Variants in ADAMTS13 observed in about 807,000 individuals in gnomAD.
ADAMTS13 encodes the protein ADAM metallopeptidase with thrombospondin type 1 motif 13.
A neutral mutation model predicts 155.1 loss-of-function variants in ADAMTS13; 110 were observed. That is an observed-to-expected ratio of 0.71 (90% CI 0.61 to 0.83). The LOEUF (loss-of-function observed/expected upper bound fraction) is 0.83. Among genes scored for constraint, ADAMTS13 ranks in the 40% least tolerant of loss-of-function variants. The probability of loss-of-function intolerance (pLI) is 0.00; values close to 1 mark genes in which losing one functional copy is unlikely to be tolerated. For missense variants in ADAMTS13, 1,707 were observed against 1,891.7 expected, an observed-to-expected ratio of 0.90 and a Z score of 1.81; for synonymous variants, 758 against 756.4, an observed-to-expected ratio of 1.00 and a Z score of -0.03.
intron 1 of ADAMTS13, chr9:133,415,701 T>C (rs1554781426): frequency 6.6e-6 from 1 of 152,248 alleles, no homozygotes; most frequent in Non-Finnish European, 1.5e-5. Flanking sequence ...GCTGACTTTC[T>C]TGGATGAATT....
chr9:133,456,008 G>A lies in ADAMTS13; in HGVS notation c.3401-61G>A, dbSNP rs587676054. ...TCTCCTTCCTCAGCTTGGAAGCCCC[G>A]GAGCCTGCCCTGCTGGGAATCGGGG... On this transcript the variant is annotated intron_variant, in intron 25 of 28. Coordinates refer to ENST00000355699, the MANE Select transcript of ADAMTS13 (RefSeq NM_139027.6). The surrounding 1 kb of genome is among the most constrained non-coding windows in gnomAD (Gnocchi z 4.4). 1,068 of 1,609,978 alleles carry A rather than the reference G, an allele frequency of 6.6e-4. 1 individual carries two copies. The highest frequency in any genetic ancestry group is 1.7e-3 in the Admixed American group (104 of 60,018).
At chr9:133,448,243 G>A (rs1842202444) in intron 21 of ADAMTS13, among the ~76,000 whole-genome samples, 1 of 152,118 alleles carries the variant, frequency 6.6e-6, no homozygotes, top group South Asian at 2.1e-4. Flanking sequence ...CGCCCAAAGT[G>A]CTGTGATTAC....
At chr9:133,439,080 A>AT (rs1367357231) in intron 14 of ADAMTS13, among the ~76,000 whole-genome samples, 2 of 152,152 alleles carry the variant, frequency 1.3e-5, no homozygotes, top group African/African-American at 4.8e-5. Flanking sequence ...CCATTTGCAA[A>AT]TGCCAGTGCT....
At position 133,456,469 on chromosome 9, in the gene ADAMTS13, A is replaced by G; in HGVS notation, c.3548-74A>G. 1 of 1,562,034 alleles carries G rather than the reference A, an allele frequency of 6.4e-7. No individual in the cohort carries two copies. The highest frequency in any genetic ancestry group is 8.7e-7 in the Non-Finnish European group (1 of 1,147,362). On this transcript the variant is annotated intron_variant, in intron 26 of 28. Coordinates refer to ENST00000355699, the MANE Select transcript of ADAMTS13 (RefSeq NM_139027.6). The surrounding 1 kb of genome is among the most constrained non-coding windows in gnomAD (Gnocchi z 4.4). ...GAGAGGTGGGACTTGAACTCGGCTCAGTCTACCCTGGAGCCACTCCTCTGC... is the reference window on the plus strand; with the variant it reads ...GAGAGGTGGGACTTGAACTCGGCTCGGTCTACCCTGGAGCCACTCCTCTGC...
At chr9:133,438,637 G>A (rs993863626) in intron 14 of ADAMTS13, among the ~76,000 whole-genome samples, 16 of 152,146 alleles carry the variant, frequency 1.1e-4, no homozygotes, top group Admixed American at 4.6e-4. Context: ...GACATTGGCC[G>A]GGCGCTGTGC....
Position 133,437,828 on chromosome 9 carries a change from G to C in ADAMTS13, c.1515G>C (p.Gly505=), listed in dbSNP as rs1554789558. Residue 505 remains glycine, a synonymous_variant, in exon 13 of 29, where the codon GGG becomes GGC. Coordinates refer to ENST00000355699, the MANE Select transcript of ADAMTS13 (RefSeq NM_139027.6). The part of the protein sequence containing the change: ...IMKRGDSFLD[G]TRCMPSGPRE... ...AGCGTGGAGACAGCTTCCTCGATGG[G>C]ACCCGGTGTATGCCAAGTGGCCCCC... is the stretch of plus-strand genomic sequence containing the variant. 6.2e-7 allele frequency: 1 copy of C among 1,613,892 alleles called. No individual in the cohort carries two copies. Among genetic ancestry groups the C allele is most frequent in the African/African-American group, 1.3e-5 (1 of 74,942 alleles).
At chr9:133,451,256 A>G (rs587691422) in intron 23 of ADAMTS13, among the ~76,000 whole-genome samples, 1 of 152,200 alleles carries the variant, frequency 6.6e-6, no homozygotes, top group East Asian at 1.9e-4. Flanking sequence ...CTGTCCACTT[A>G]CTTTTATTTA....
In ADAMTS13 at chr9:133,440,344, C is replaced by T. The variant is rs281875299; in HGVS notation, c.1787C>T (p.Ala596Val). 6.8e-6 allele frequency: 11 copies of T among 1,613,954 alleles called. No individual in the cohort carries two copies. In the South Asian group the frequency reaches 7.7e-5, roughly 11 times the overall value. The change falls in exon 16 of 29, where the codon GCG (alanine) becomes GTG (valine). Residue 596 changes from alanine (A) to valine (V), a missense_variant and splice_region_variant. Ala to Val is a moderately conservative substitution (Grantham distance 64). This residue lies in a region of ADAMTS13 where 961 missense variants were observed against 1,107.9 expected (regional missense o/e 0.87). Coordinates refer to ENST00000355699, the MANE Select transcript of ADAMTS13 (RefSeq NM_139027.6). The surrounding 1 kb of genome is among the most constrained non-coding windows in gnomAD (Gnocchi z 4.3). ...ANHRPLFTHL[A>V]VRIGGRYVVA... ...GCTAACAGGGCTGGTTCCCCGACAG[C>T]GGTGAGGATCGGAGGGCGCTATGTC...
chr9:133,449,911 G>T lies in ADAMTS13; in HGVS notation c.2990G>T (p.Gly997Val). Residue 997 changes from glycine to valine, a missense_variant, in exon 23 of 29, where the codon GGG (glycine) becomes GTG (valine). By Grantham distance (109) the Gly-to-Val change is moderately radical. This residue lies in a region of ADAMTS13 where 961 missense variants were observed against 1,107.9 expected (regional missense o/e 0.87). Transcript: ENST00000355699. ...EEILLDTQCQ[G>V]LPRPEPQEAC... is the part of the protein sequence containing the mutation. ...ATCCTGTTGGACACCCAGTGCCAGG[G>T]GCTGCCTCGCCCGGAACCCCAGGAG... 2 of 1,613,170 alleles carry T rather than the reference G, an allele frequency of 1.2e-6. No individual in the cohort carries two copies. Among genetic ancestry groups the T allele is most frequent in the Non-Finnish European group, 1.7e-6 (2 of 1,179,886 alleles).
intron 6 of ADAMTS13, among the ~76,000 whole-genome samples, chr9:133,426,886 C>A (rs1840318998): frequency 6.6e-6 from 1 of 152,042 alleles, no homozygotes; most frequent in Non-Finnish European, 1.5e-5. Flanking sequence ...TCATTGCAAC[C>A]TCCACCTCCT....
Position 133,438,378 on chromosome 9 carries a change from C to T in ADAMTS13, c.1705+12C>T. 1 of 1,613,522 alleles carries T rather than the reference C, an allele frequency of 6.2e-7. No individual in the cohort carries two copies. On this transcript the variant is annotated intron_variant, in intron 14 of 28. Transcript: ENST00000355699. ...TGGCAGAGCGAGAGGTAGGCGGCCT[C>T]CCTCGGGGCAGAGGCTGGGCTTCCC...
chr9:133,439,491 G>T, intron 15 of ADAMTS13, 45 bp downstream of exon 15: 1 of 1,519,806 alleles, frequency 6.6e-7, no homozygotes, highest in Non-Finnish European at 9.1e-7. Context: ...AGACTGCAAA[G>T]GTGCAGAGCA....
intron 2 of ADAMTS13, among the ~76,000 whole-genome samples, chr9:133,423,398 A>G (rs1840079575): frequency 6.6e-6 from 1 of 152,150 alleles, no homozygotes; most frequent in African/African-American, 2.4e-5. Flanking sequence ...TAAATATCAC[A>G]AGGGAACGGT....
In ADAMTS13 at chr9:133,456,639, T is replaced by C. The variant is rs782564860; in HGVS notation, c.3644T>C (p.Val1215Ala). Residue 1215 changes from valine to alanine, a missense_variant, in exon 27 of 29, where the codon GTG (valine) becomes GCG (alanine). Physicochemically the swap from Val to Ala is moderately conservative, Grantham distance 64 (BLOSUM62 0). This residue lies in a region of ADAMTS13 where 961 missense variants were observed against 1,107.9 expected (regional missense o/e 0.87). Coordinates refer to ENST00000355699, the MANE Select transcript of ADAMTS13 (RefSeq NM_139027.6). The surrounding 1 kb of genome is among the most constrained non-coding windows in gnomAD (Gnocchi z 4.4). ...AGCTCCAAGACCAACACGCTGGTGGTGAGGCAGCGCTGCGGGCGGCCAGGA... is the reference window on the plus strand; with the variant it reads ...AGCTCCAAGACCAACACGCTGGTGGCGAGGCAGCGCTGCGGGCGGCCAGGA... ...TFSSKTNTLV[V>A]RQRCGRPGGG... The C allele has an allele frequency of 6.2e-7, 1 of 1,610,422 alleles. No homozygotes were observed. The highest frequency in any genetic ancestry group is 1.1e-5 in the South Asian group (1 of 90,222).
At chr9:133,436,312 C>G (rs587629901) in intron 11 of ADAMTS13, among the ~76,000 whole-genome samples, 1 of 151,960 alleles carries the variant, frequency 6.6e-6, no homozygotes, top group South Asian at 2.1e-4. Context: ...CTCCCCAGAC[C>G]GTGAGGGGAG....
Position 133,444,906 on chromosome 9 carries a change from G to C in ADAMTS13, c.2464G>C (p.Ala822Pro). ...EPSSCTSAGG[A>P]GLALENETCV... ...CAGCTCATGCACATCAGCTGGTGGA[G>C]CAGGCCTGGCCTTGGAGAACGAGAC... The change falls in exon 20 of 29, where the codon GCA (alanine) becomes CCA (proline). Residue 822 changes from alanine (A) to proline (P), a missense_variant. This residue lies in a region of ADAMTS13 where 961 missense variants were observed against 1,107.9 expected (regional missense o/e 0.87). Transcript: ENST00000355699. 2 of 1,613,322 alleles carry C rather than the reference G, an allele frequency of 1.2e-6. No homozygotes were observed. The highest frequency in any genetic ancestry group is 1.7e-6 in the Non-Finnish European group (2 of 1,180,032).
intron 7 of ADAMTS13, 182 bp from the exon 8 acceptor site, chr9:133,429,757 C>A (rs1840595309): frequency 1.2e-6 from 1 of 838,778 alleles, no homozygotes; most frequent in Non-Finnish European, 2.0e-6. Flanking sequence ...CCGGCAGGAG[C>A]CTTAGTCTTG....
Position 133,445,081 on chromosome 9 carries a change from G to A in ADAMTS13, c.2610+29G>A, listed in dbSNP as rs1554792160. On this transcript the variant is annotated intron_variant, in intron 20 of 28. Transcript: ENST00000355699. This position sits in a 1 kb window ranked among gnomAD's most constrained non-coding sequence, Gnocchi z 5.0. ...AGTGCCCTGGGCATGAGGGTGGCTG[G>A]GGCTGTTGAGTCCTTTACCTGGCTG... 3 of 1,606,078 alleles carry A rather than the reference G, an allele frequency of 1.9e-6. No homozygotes were observed. The highest frequency in any genetic ancestry group is 3.4e-5 in the Admixed American group (2 of 59,442).
Position 133,437,781 on chromosome 9 carries a change from A to G in ADAMTS13, c.1468A>G (p.Ile490Val). The change falls in exon 13 of 29, where the codon ATT becomes GTT. Residue 490 changes from isoleucine to valine, a missense_variant. Coordinates refer to ENST00000355699, the MANE Select transcript of ADAMTS13 (RefSeq NM_139027.6). ...TCTGTGCAGACACATGTGCCGGGCC[A>G]TTGGCGAGAGCTTCATCATGAAGCG... Reference protein sequence around the residue: ...DALCRHMCRAIGESFIMKRGD... With the variant: ...DALCRHMCRAVGESFIMKRGD... The G allele has an allele frequency of 1.9e-6, 3 of 1,613,926 alleles. No individual in the cohort carries two copies. The highest frequency in any genetic ancestry group is 1.7e-6 in the Non-Finnish European group (2 of 1,180,038).
Sources: allele counts gnomAD v4.1 joint callset (sites outside exome capture counted in the v4.1 genomes callset), GRCh38; gene constraint gnomAD v4.1.1; regional missense constraint gnomAD v4.1.1; non-coding constraint Gnocchi (gnomAD v3.1); transcripts MANE v1.5; gene names NCBI Gene and HGNC (gene_info 2026-07-23, HGNC 2026-07-21).